PLS1: variants seen among roughly 807,000 people sequenced by gnomAD.
The protein encoded by PLS1 is plastin 1.
A neutral mutation model predicts 73.7 loss-of-function variants in PLS1; 32 were observed. The observed-to-expected ratio is 0.43, with a 90% CI of 0.33 to 0.58. The LOEUF (loss-of-function observed/expected upper bound fraction) is 0.58, where lower values mean the gene tolerates loss of function less well. Ranked by LOEUF, PLS1 falls within the 20% of genes least tolerant of loss-of-function variation. The probability of loss-of-function intolerance (pLI) is 0.04; values close to 1 mark genes in which losing one functional copy is unlikely to be tolerated. For missense variants in PLS1, 633 were observed against 740.5 expected (o/e 0.85, Z 1.68); for synonymous variants, 217 against 261.3 (o/e 0.83, Z 1.63).
intron 1 of PLS1, among the ~76,000 whole-genome samples, chr3:142,605,648 A>G (rs2036004689): frequency 6.6e-6 from 1 of 152,208 alleles, no homozygotes; most frequent in Non-Finnish European, 1.5e-5. Context: ...CTTGCAGTCA[A>G]TTCATATTTT....
chr3:142,663,352 AAC>A (rs2037412097), intron 1 of PLS1, among the ~76,000 whole-genome samples: 1 of 152,190 alleles, frequency 6.6e-6, no homozygotes, highest in African/African-American at 2.4e-5. Context: ...TTCTGCAGTG[AAC>A]ACACACCACC....
At chr3:142,625,838 G>A (rs1345143496) in intron 1 of PLS1, among the ~76,000 whole-genome samples, 26 of 152,064 alleles carry the variant, frequency 1.7e-4, no homozygotes. Flanking sequence ...GCTGGGTGTT[G>A]TGGCATACGC....
intron 2 of PLS1, among the ~76,000 whole-genome samples, chr3:142,666,984 TTTG>T (rs1368526353): frequency 4.0e-4 from 61 of 152,332 alleles, no homozygotes; most frequent in Middle Eastern, 3.4e-3. Context: ...ATCACGTTGT[TTTG>T]TTGTTGTTGT....
intron 14 of PLS1, among the ~76,000 whole-genome samples, chr3:142,707,906 A>C (rs1433675917): frequency 2.6e-5 from 4 of 152,186 alleles, no homozygotes; most frequent in Non-Finnish European, 5.9e-5. Flanking sequence ...GGCTACATCT[A>C]CTGATGAATA....
chr3:142,642,624 T>C (rs891123691), intron 1 of PLS1, among the ~76,000 whole-genome samples: 1 of 152,226 alleles, frequency 6.6e-6, no homozygotes, highest in South Asian at 2.1e-4. Context: ...GAACATATTA[T>C]CCGATTATTA....
In PLS1 at chr3:142,687,615, A is replaced by C. The variant is rs73868115; in HGVS notation, c.981+1239A>C. Among the ~76,000 whole-genome samples the C allele has an allele frequency of 2.0e-5, 3 of 152,272 alleles. No homozygotes were observed. In the South Asian group the frequency reaches 6.2e-4, roughly 32 times the overall value. On this transcript the variant is annotated intron_variant, in intron 9 of 15. Coordinates refer to ENST00000457734, the MANE Select transcript of PLS1 (RefSeq NM_001145319.2). ...GAGAACAGACTTAGTATACTAAACT[A>C]TCAGGTACTCATCCCTCAGTTTCAA...
intron 1 of PLS1, among the ~76,000 whole-genome samples, chr3:142,660,483 CT>C (rs1419424967): frequency 3.9e-5 from 6 of 152,172 alleles, no homozygotes; most frequent in Admixed American, 1.3e-4. Context: ...TTGGGCAAAA[CT>C]TTCTGACAAC....
chr3:142,630,970 C>CACACACACACACACACAT (rs1388284832), intron 1 of PLS1, among the ~76,000 whole-genome samples: 1 of 151,740 alleles, frequency 6.6e-6, no homozygotes, highest in Non-Finnish European at 1.5e-5. Context: ...CACACACACA[C>CACACACACACACACACAT]ACATAGAGGG....
At chr3:142,599,491 G>A (rs919184709) in intron 1 of PLS1, among the ~76,000 whole-genome samples, 10 of 151,468 alleles carry the variant, frequency 6.6e-5, no homozygotes, top group East Asian at 2.0e-4. Context: ...CACCGCGCCC[G>A]GCTAATTTTT....
In PLS1 at chr3:142,703,920, C is replaced by T. The variant is rs530760908; in HGVS notation, c.1424C>T (p.Ser475Phe). 1 of 1,612,082 alleles carries T rather than the reference C, an allele frequency of 6.2e-7. No individual in the cohort carries two copies. Among genetic ancestry groups the T allele is most frequent in the Admixed American group, 1.7e-5 (1 of 60,006 alleles). The change falls in exon 13 of 16, where the codon TCC becomes TTC. Residue 475 changes from serine to phenylalanine, a missense_variant. Transcript: ENST00000457734. The stretch of plus-strand genomic sequence containing the variant: ...CTTGGGAAGAACAAGGCCAAATTCT[C>T]CTTGGTTGGCATTGCTGGGCAGGAC... ...VELGKNKAKFSLVGIAGQDLN... is the reference protein window; with the variant it reads ...VELGKNKAKFFLVGIAGQDLN...
intron 1 of PLS1, among the ~76,000 whole-genome samples, chr3:142,612,024 T>A (rs2036132045): frequency 6.6e-6 from 1 of 152,228 alleles, no homozygotes; most frequent in Admixed American, 6.5e-5. Flanking sequence ...CATATTATGC[T>A]TCTCTAGGTA....
At chr3:142,631,632 G>A in intron 1 of PLS1, among the ~76,000 whole-genome samples, 1 of 118,048 alleles carries the variant, frequency 8.5e-6, no homozygotes, top group East Asian at 2.7e-4. Context: ...CTGCAGTCCA[G>A]CCTAGACAAC....
At chr3:142,668,762 C>G (rs1341523649) in intron 2 of PLS1, among the ~76,000 whole-genome samples, 2 of 151,994 alleles carry the variant, frequency 1.3e-5, no homozygotes, top group Non-Finnish European at 2.9e-5. Context: ...CCACTATGCC[C>G]AGCTAATTTT....
At chr3:142,679,185 A>C (rs965531922) in intron 6 of PLS1, among the ~76,000 whole-genome samples, 36 of 152,068 alleles carry the variant, frequency 2.4e-4, no homozygotes, top group South Asian at 4.2e-4. Flanking sequence ...CCTTTGTCAG[A>C]CGAGTAGGTT....
At chr3:142,641,619 T>G (rs1329460993) in intron 1 of PLS1, among the ~76,000 whole-genome samples, 1 of 152,132 alleles carries the variant, frequency 6.6e-6, no homozygotes, top group Non-Finnish European at 1.5e-5. Flanking sequence ...TTACAGTTCG[T>G]AATTTTTGTC....
At chr3:142,600,766 A>G (rs1338064145) in intron 1 of PLS1, among the ~76,000 whole-genome samples, 2 of 150,408 alleles carry the variant, frequency 1.3e-5, no homozygotes, top group Non-Finnish European at 3.0e-5. Flanking sequence ...TCCACAGGCA[A>G]CGATGGTCCA....
At chr3:142,653,392 G>A (rs1335866858) in intron 1 of PLS1, among the ~76,000 whole-genome samples, 2 of 149,238 alleles carry the variant, frequency 1.3e-5, no homozygotes, top group Non-Finnish European at 3.0e-5. Flanking sequence ...AGATGGTCTG[G>A]CTCTGTTGCC....
chr3:142,667,702 A>G (rs1168466992), intron 2 of PLS1, among the ~76,000 whole-genome samples: 1 of 152,188 alleles, frequency 6.6e-6, no homozygotes, highest in Non-Finnish European at 1.5e-5. Context: ...TTAGTTTAAC[A>G]TGATCGTTAT....
intron 1 of PLS1, among the ~76,000 whole-genome samples, chr3:142,632,674 A>G (rs755788861): frequency 6.6e-6 from 1 of 151,868 alleles, no homozygotes; most frequent in Non-Finnish European, 1.5e-5. Context: ...TCCCAACTCA[A>G]TATAACATCT....
Sources: gnomAD v4.1 joint callset for allele counts (sites outside exome capture counted in the v4.1 genomes callset) on GRCh38, gnomAD v4.1.1 for gene constraint, MANE v1.5 for transcripts, NCBI Gene and HGNC (gene_info 2026-07-23, HGNC 2026-07-21) for gene names.